The following CDC73 variants were observed in gnomAD, a reference collection of about 807,000 sequenced individuals.
CDC73 encodes the protein cell division cycle 73.
Under a neutral mutation model 83.7 loss-of-function variants are expected in CDC73, and 21 were observed. The observed-to-expected ratio is 0.25, with a 90% CI of 0.18 to 0.36. The LOEUF is 0.36. Ranked by LOEUF, CDC73 falls within the 10% of genes least tolerant of loss-of-function variation. CDC73 has a pLI of 1.00. For missense variants in CDC73, 342 were observed against 653.3 expected, an observed-to-expected ratio of 0.52 and a Z score of 5.19; for synonymous variants, 224 against 212.9, an observed-to-expected ratio of 1.05 and a Z score of -0.45.
intron 10 of CDC73, among the ~76,000 whole-genome samples, chr1:193,170,180 T>C (rs1303750714): frequency 1.3e-5 from 2 of 152,252 alleles, no homozygotes; most frequent in Admixed American, 1.3e-4. Context: ...AACATTTTCT[T>C]TATCCAGTCT....
In CDC73 at chr1:193,221,106, A is replaced by T. The variant is rs145735306; in HGVS notation, c.1154+8629A>T. On this transcript the variant is annotated intron_variant, in intron 13 of 16. Transcript: ENST00000367435. ...TTATTTTATTGTTATTTGTAGCTAC[A>T]TTGTTTAAAACAGTGTTAGCCAAAT... Among the ~76,000 whole-genome samples, 666 of 152,278 alleles carry T rather than the reference A, an allele frequency of 4.4e-3. 24 individuals carry two copies. Among genetic ancestry groups the T allele is most frequent in the Admixed American group, 0.037 (568 of 15,292 alleles).
At chr1:193,137,896 T>G (rs1294106451) in intron 5 of CDC73, among the ~76,000 whole-genome samples, 189 bp from the exon 6 acceptor site, 6 of 152,230 alleles carry the variant, frequency 3.9e-5, no homozygotes, top group African/African-American at 1.4e-4. Flanking sequence ...GATTCCAGTC[T>G]TAAGATTCAA....
At chr1:193,149,561 G>A (rs991376508) in intron 8 of CDC73, among the ~76,000 whole-genome samples, 20 of 152,176 alleles carry the variant, frequency 1.3e-4, no homozygotes, top group African/African-American at 4.3e-4. Flanking sequence ...ATACTTGAAG[G>A]TTTTAATGTT....
chr1:193,166,605 A>G (rs138080899), intron 10 of CDC73, among the ~76,000 whole-genome samples: 65 of 152,090 alleles, frequency 4.3e-4, no homozygotes, highest in African/African-American at 1.3e-3. Flanking sequence ...GAAATTATGT[A>G]GGTGCTTATG....
chr1:193,250,015 A>C (rs78793150), intron 16 of CDC73, 144 bp downstream of exon 16: 1 of 757,530 alleles, frequency 1.3e-6, no homozygotes, highest in African/African-American at 1.8e-5. Context: ...TCAGTACATA[A>C]TTAACAATTT....
chr1:193,210,463 TATGGTCAAATACTGAA>T (rs1314846543), intron 11 of CDC73, among the ~76,000 whole-genome samples: 2 of 152,246 alleles, frequency 1.3e-5, no homozygotes, highest in Non-Finnish European at 2.9e-5. Context: ...TGAGTTATTG[TATGGTCAAATACTGAA>T]AATAGAACTT....
chr1:193,196,436 A>T (rs1231026258), intron 10 of CDC73, among the ~76,000 whole-genome samples: 1 of 152,118 alleles, frequency 6.6e-6, no homozygotes, highest in East Asian at 1.9e-4. Flanking sequence ...TCTTTTTCAC[A>T]ATGAGTTTGG....
At chr1:193,161,398 A>G (rs1345868325) in intron 10 of CDC73, among the ~76,000 whole-genome samples, 1 of 150,920 alleles carries the variant, frequency 6.6e-6, no homozygotes, top group African/African-American at 2.4e-5. Context: ...ATTAGAGACA[A>G]AAGTCATACC....
chr1:193,138,229 G>A, intron 6 of CDC73, 56 bp downstream of exon 6: 1 of 1,145,728 alleles, frequency 8.7e-7, no homozygotes, highest in African/African-American at 1.5e-5. Flanking sequence ...AAAAGTATAA[G>A]GAAAAGGAAT....
intron 14 of CDC73, among the ~76,000 whole-genome samples, chr1:193,235,327 T>G (rs538641855): frequency 2.6e-5 from 4 of 152,332 alleles, no homozygotes; most frequent in Admixed American, 2.6e-4. Context: ...TGTTTCTTCA[T>G]TTATACAATG....
In CDC73 at chr1:193,253,860, A is replaced by C. The variant is rs1678088659; in HGVS notation, c.*3148A>C. 4.4e-6 allele frequency: 1 copy of C among 226,686 alleles called. No homozygotes were observed. The highest frequency in any genetic ancestry group is 8.8e-6 in the Non-Finnish European group (1 of 114,076). 14.0% of individuals were successfully genotyped at this position (226,686 alleles called of 1,614,324 possible). On this transcript the variant is annotated 3_prime_UTR_variant, in exon 17 of 17. Coordinates refer to ENST00000367435, the MANE Select transcript of CDC73 (RefSeq NM_024529.5). ...TCATTATCTAATAAATATTGAGGGA[A>C]TATTTTTCCTAAATAAAAATTTTTC...
rs770544416 is a variant in CDC73, at chr1:193,122,216, A to G, written c.16A>G (p.Ser6Gly). The G allele has an allele frequency of 3.1e-6, 5 of 1,614,184 alleles. No homozygotes were observed. The highest frequency in any genetic ancestry group is 3.4e-6 in the Non-Finnish European group (4 of 1,180,006). Residue 6 changes from serine to glycine, a missense_variant, in exon 1 of 17, where the codon AGC (serine) becomes GGC (glycine). By Grantham distance (56) the Ser-to-Gly change is moderately conservative. Around this residue, in one of 3 missense-constraint regions of CDC73, gnomAD observed 99 missense variants for 174.5 expected, o/e 0.57. Coordinates refer to ENST00000367435, the MANE Select transcript of CDC73 (RefSeq NM_024529.5). MADVL[S>G]VLRQYNIQKK... ...GGGGGGGAAGATGGCGGACGTGCTTAGCGTCCTGCGACAGTACAACATCCA... is the reference window on the plus strand; with the variant it reads ...GGGGGGGAAGATGGCGGACGTGCTTGGCGTCCTGCGACAGTACAACATCCA...
At chr1:193,122,464 C>G (rs1372913149) in intron 1 of CDC73, 133 bp downstream of exon 1, 3 of 1,178,202 alleles carry the variant, frequency 2.5e-6, no homozygotes, top group South Asian at 1.3e-5. Flanking sequence ...AAGAAAGTTT[C>G]TCTCTAGAGC....
At chr1:193,210,592 A>G (rs2102036725) in intron 11 of CDC73, among the ~76,000 whole-genome samples, 1 of 152,308 alleles carries the variant, frequency 6.6e-6, no homozygotes, top group Non-Finnish European at 1.5e-5. Flanking sequence ...TATATAAACA[A>G]AATACAAACA....
At chr1:193,249,552 C>T (rs1678010352) in intron 15 of CDC73, among the ~76,000 whole-genome samples, 178 bp from the exon 16 acceptor site, 1 of 151,936 alleles carries the variant, frequency 6.6e-6, no homozygotes, top group Non-Finnish European at 1.5e-5. Flanking sequence ...TTTTATCTTA[C>T]CTTATTCCTC....
chr1:193,176,250 C>G (rs1332262143), intron 10 of CDC73, among the ~76,000 whole-genome samples: 2 of 152,070 alleles, frequency 1.3e-5, no homozygotes, highest in Non-Finnish European at 2.9e-5. Flanking sequence ...GAACATAGGC[C>G]CCTAAACCGT....
In CDC73 at chr1:193,222,774, C is replaced by A. The variant is rs1025469114; in HGVS notation, c.1155-10219C>A. The stretch of plus-strand genomic sequence containing the variant: ...AAATAAGCTTTTTTTTTTTTTTTTG[C>A]ATATGTTCTGTTCCCCATCCCCCCT... On this transcript the variant is annotated intron_variant, in intron 13 of 16. Transcript: ENST00000367435. Among the ~76,000 whole-genome samples the A allele has an allele frequency of 4.6e-4, 24 of 51,946 alleles. 1 individual carries two copies. Among genetic ancestry groups the A allele is most frequent in the African/African-American group, 1.4e-3 (22 of 16,116 alleles). 34.1% of individuals were successfully genotyped at this position (51,946 alleles called of 152,430 possible).
chr1:193,219,665 G>T (rs148371038), intron 13 of CDC73, among the ~76,000 whole-genome samples: 1 of 152,114 alleles, frequency 6.6e-6, no homozygotes, highest in Non-Finnish European at 1.5e-5. Flanking sequence ...CATGTTCTAC[G>T]TGGGAGCTAG....
At chr1:193,182,851 G>A (rs2103160748) in intron 10 of CDC73, among the ~76,000 whole-genome samples, 1 of 152,110 alleles carries the variant, frequency 6.6e-6, no homozygotes, top group African/African-American at 2.4e-5. Flanking sequence ...TAAAACAGGA[G>A]AAAACTTTTT....
Sources: gnomAD v4.1 joint callset for allele counts (sites outside exome capture counted in the v4.1 genomes callset) on GRCh38, gnomAD v4.1.1 for gene constraint, gnomAD v4.1.1 regional missense constraint, MANE v1.5 for transcripts, NCBI Gene and HGNC (gene_info 2026-07-23, HGNC 2026-07-21) for gene names.